The following KLHL7 variants were observed in gnomAD, a reference collection of about 807,000 sequenced individuals.
KLHL7 encodes the protein kelch-like protein 7.
Under a neutral mutation model 67.4 loss-of-function variants are expected in KLHL7, and 44 were observed. The ratio of observed to expected loss-of-function variants is 0.65; its 90% CI spans 0.51 to 0.84. The LOEUF is 0.84. Ranked by LOEUF, KLHL7 falls within the 40% of genes least tolerant of loss-of-function variation. The pLI is 0.00. For missense variants in KLHL7, 362 were observed against 718.1 expected (o/e 0.50, Z 5.67); for synonymous variants, 252 against 243.3 (o/e 1.04, Z -0.33).
chr7:23,152,240 T>C, intron 7 of KLHL7, 31 bp downstream of exon 7: 1 of 1,608,022 alleles, frequency 6.2e-7, no homozygotes, highest in Non-Finnish European at 8.5e-7. Flanking sequence ...GTTTTTGTTG[T>C]TGTCTTTGAA....
At chr7:23,145,992 A>G (rs1317531908) in intron 6 of KLHL7, among the ~76,000 whole-genome samples, 1 of 152,162 alleles carries the variant, frequency 6.6e-6, no homozygotes, top group East Asian at 1.9e-4. Flanking sequence ...GAGGCTTCCC[A>G]AGATGCTGGG....
In KLHL7 at chr7:23,177,416, A is replaced by G. The variant is rs1785314392; in HGVS notation, c.*3118A>G. ...AGAACACACTATAGTAAATACATAC[A>G]CAGGTTTGATGTGGATTATAATGAA... On this transcript the variant is annotated 3_prime_UTR_variant, in exon 11 of 11. Transcript: ENST00000339077. The G allele has an allele frequency of 6.6e-6, 1 of 152,230 alleles. No homozygotes were observed. The highest frequency in any genetic ancestry group is 1.5e-5 in the Non-Finnish European group (1 of 68,024). The allele number at this position is 152,230 out of a possible 1,614,324, so 9.4% of individuals were successfully genotyped here. A position where few individuals can be genotyped will look rare whatever the true frequency, so the allele number is the denominator to read the frequency against.
chr7:23,159,751 A>G (rs1033905451), intron 7 of KLHL7, among the ~76,000 whole-genome samples: 1 of 152,080 alleles, frequency 6.6e-6, no homozygotes, highest in Non-Finnish European at 1.5e-5. Flanking sequence ...GTCTGGTGTC[A>G]ACTACTGAGC....
At chr7:23,136,305 A>G (rs1000053080) in intron 4 of KLHL7, among the ~76,000 whole-genome samples, 1 of 152,204 alleles carries the variant, frequency 6.6e-6, no homozygotes, top group South Asian at 2.1e-4. Flanking sequence ...TATTAGAAGT[A>G]CTGAAGCTAG....
In KLHL7 at chr7:23,105,895, G is replaced by A; in HGVS notation, c.-132G>A. 1.4e-6 allele frequency: 2 copies of A among 1,398,838 alleles called. No homozygotes were observed. Among genetic ancestry groups the A allele is most frequent in the Non-Finnish European group, 9.8e-7 (1 of 1,025,392 alleles). The allele number at this position is 1,398,838 out of a possible 1,614,324, so 86.7% of individuals were successfully genotyped here. On this transcript the variant is annotated 5_prime_UTR_variant, in exon 1 of 11. Transcript: ENST00000339077. ...TGGCCGAGCCACCGCCGCCTGCCGC[G>A]CGTTCCAGAGCTGGGCGCTGCAGCT...
At chr7:23,126,081 C>A in intron 4 of KLHL7, 1 of 594,026 alleles carries the variant, frequency 1.7e-6, no homozygotes. Context: ...TATTTTGGGG[C>A]CATTATTAAG....
intron 1 of KLHL7, among the ~76,000 whole-genome samples, chr7:23,114,148 A>G (rs893205403): frequency 5.3e-5 from 8 of 152,196 alleles, no homozygotes; most frequent in African/African-American, 1.7e-4. Flanking sequence ...ACCTTGTTGT[A>G]TTTAAGGAAT....
At chr7:23,123,173 G>T (rs1783419838) in intron 1 of KLHL7, among the ~76,000 whole-genome samples, 1 of 152,140 alleles carries the variant, frequency 6.6e-6, no homozygotes, top group Non-Finnish European at 1.5e-5. Flanking sequence ...AAAACTGGCT[G>T]CTATCCAGCT....
intron 6 of KLHL7, among the ~76,000 whole-genome samples, chr7:23,150,790 G>A (rs928027727): frequency 6.6e-6 from 1 of 152,176 alleles, no homozygotes; most frequent in African/African-American, 2.4e-5. Flanking sequence ...GGTCCAGGCA[G>A]TTTGATCTTG....
intron 1 of KLHL7, among the ~76,000 whole-genome samples, chr7:23,113,526 A>G (rs1208970091): frequency 6.6e-6 from 1 of 152,152 alleles, no homozygotes; most frequent in Non-Finnish European, 1.5e-5. Context: ...GTGAATCATT[A>G]AGTATAATAT....
At chr7:23,128,625 C>T (rs1332833408) in intron 4 of KLHL7, among the ~76,000 whole-genome samples, 1 of 151,830 alleles carries the variant, frequency 6.6e-6, no homozygotes, top group Non-Finnish European at 1.5e-5. Flanking sequence ...TGTGGTACAA[C>T]ATTGCAAATG....
intron 2 of KLHL7, among the ~76,000 whole-genome samples, chr7:23,124,260 A>G (rs1323040236): frequency 1.3e-5 from 2 of 151,552 alleles, no homozygotes; most frequent in Non-Finnish European, 2.9e-5. Flanking sequence ...TGGAAAGACA[A>G]AGAAGCAGAT....
At position 23,125,153 on chromosome 7, in the gene KLHL7, T is replaced by G; in HGVS notation, c.423T>G (p.Val141=). The change falls in exon 4 of 11, where the codon GTT becomes GTG. Residue 141 remains valine, a synonymous_variant. Coordinates refer to ENST00000339077, the MANE Select transcript of KLHL7 (RefSeq NM_001031710.3). ...GTGTTGATTTTTTGAAAGAACAAGT[T>G]GATGCTTCAAATTGTCTTGGTAAGA... The part of the protein sequence containing the change: ...KMCVDFLKEQ[V]DASNCLGISV... 6.2e-7 allele frequency: 1 copy of G among 1,613,586 alleles called. No individual in the cohort carries two copies. Among genetic ancestry groups the G allele is most frequent in the South Asian group, 1.1e-5 (1 of 91,066 alleles).
At chr7:23,126,733 C>T (rs1288361298) in intron 4 of KLHL7, among the ~76,000 whole-genome samples, 1 of 152,102 alleles carries the variant, frequency 6.6e-6, no homozygotes, top group African/African-American at 2.4e-5. Flanking sequence ...AGGTGGAAAG[C>T]AGCAGAATAA....
chr7:23,167,884 G>A lies in KLHL7; in HGVS notation c.1226G>A (p.Ser409Asn). 1 of 1,614,224 alleles carries A rather than the reference G, an allele frequency of 6.2e-7. No individual in the cohort carries two copies. The highest frequency in any genetic ancestry group is 8.5e-7 in the Non-Finnish European group (1 of 1,180,042). The change falls in exon 9 of 11, where the codon AGC becomes AAC. Residue 409 changes from serine to asparagine, a missense_variant. By Grantham distance (46) the Ser-to-Asn change is conservative. Transcript: ENST00000339077. ...GAGTGCTATGATACGAGAACTGAAA[G>A]CTGGCACACAAAGCCCAGCATGCTG... ...LFECYDTRTE[S>N]WHTKPSMLTQ...
At chr7:23,167,512 G>A (rs760198421) in intron 8 of KLHL7, among the ~76,000 whole-genome samples, 22 of 152,046 alleles carry the variant, frequency 1.4e-4, no homozygotes, top group African/African-American at 3.4e-4. Flanking sequence ...GATAATTCCC[G>A]TCATGCATAA....
At position 23,177,889 on chromosome 7, in the gene KLHL7, C is replaced by T. The variant is rs773284447; in HGVS notation, c.*3591C>T. 2.1e-4 allele frequency: 32 copies of T among 152,062 alleles called. No individual in the cohort carries two copies. The highest frequency in any genetic ancestry group is 3.2e-3 in the Middle Eastern group (1 of 316). 9.4% of individuals were successfully genotyped at this position (152,062 alleles called of 1,614,324 possible). ...TATTGCTAACAAAATCAAAATCAGC[C>T]GTTTAATAAACAATTATTCCACCAA... On this transcript the variant is annotated 3_prime_UTR_variant, in exon 11 of 11. Transcript: ENST00000339077.
intron 4 of KLHL7, among the ~76,000 whole-genome samples, chr7:23,132,921 T>C (rs556456812): frequency 3.4e-4 from 52 of 152,330 alleles, no homozygotes; most frequent in African/African-American, 1.1e-3. Context: ...GTGTGTATTC[T>C]TGGCACCTTT....
rs1296902533 is a variant in KLHL7, at chr7:23,174,904, G to A, written c.*606G>A. Reference sequence around the variant, plus strand: ...GGGTTTAATATGTCCAACTCCTCATGAAATATATTCAATCCACTTAAATAT... The same window carrying A: ...GGGTTTAATATGTCCAACTCCTCATAAAATATATTCAATCCACTTAAATAT... On this transcript the variant is annotated 3_prime_UTR_variant, in exon 11 of 11. Coordinates refer to ENST00000339077, the MANE Select transcript of KLHL7 (RefSeq NM_001031710.3). The A allele has an allele frequency of 2.2e-6, 1 of 454,328 alleles. No homozygotes were observed. The highest frequency in any genetic ancestry group is 6.9e-5 in the East Asian group (1 of 14,408). The allele number at this position is 454,328 out of a possible 1,614,324, so 28.1% of individuals were successfully genotyped here.
Sources: allele counts gnomAD v4.1 joint callset (sites outside exome capture counted in the v4.1 genomes callset), GRCh38; gene constraint gnomAD v4.1.1; transcripts MANE v1.5; gene names NCBI Gene and HGNC (gene_info 2026-07-23, HGNC 2026-07-21).